The following TMEM135 variants were observed in gnomAD, a reference collection of about 807,000 sequenced individuals.
TMEM135 encodes peroxisomal membrane protein 52.
Under a neutral mutation model 60.3 loss-of-function variants are expected in TMEM135, and 30 were observed. The observed-to-expected ratio is 0.50, with a 90% CI of 0.37 to 0.68. TMEM135 has a LOEUF of 0.68. Ranked by LOEUF, TMEM135 falls within the 30% of genes least tolerant of loss-of-function variation. The pLI, the probability that TMEM135 is intolerant of heterozygous loss-of-function variation, is 0.00. For synonymous variants in TMEM135, 190 were observed against 186.7 expected, an observed-to-expected ratio of 1.02 and a Z score of -0.14; for missense variants, 468 against 548.8, an observed-to-expected ratio of 0.85 and a Z score of 1.47.
At chr11:87,109,888 T>TC (rs1263232549) in intron 4 of TMEM135, among the ~76,000 whole-genome samples, 2 of 152,182 alleles carry the variant, frequency 1.3e-5, no homozygotes, top group African/African-American at 4.8e-5. Context: ...TTTAAATTTT[T>TC]CTTTATGTGT....
At chr11:87,285,679 C>CA (rs973230099) in intron 6 of TMEM135, among the ~76,000 whole-genome samples, 2 of 152,168 alleles carry the variant, frequency 1.3e-5, no homozygotes, top group Non-Finnish European at 1.5e-5. Flanking sequence ...TGAGCAGCAG[C>CA]AAGAGGTATT....
Position 87,325,646 on chromosome 11 carries a change from G to A in TMEM135, c.*4313G>A, listed in dbSNP as rs1376178663. 4.4e-6 allele frequency: 2 copies of A among 453,882 alleles called. No individual in the cohort carries two copies. Among genetic ancestry groups the A allele is most frequent in the East Asian group, 1.4e-4 (2 of 14,364 alleles). The allele number at this position is 453,882 out of a possible 1,614,324, so 28.1% of individuals were successfully genotyped here. A position where few individuals can be genotyped will look rare whatever the true frequency, so the allele number is the denominator to read the frequency against. On this transcript the variant is annotated 3_prime_UTR_variant, in exon 15 of 15. Coordinates refer to ENST00000305494, the MANE Select transcript of TMEM135 (RefSeq NM_022918.4). Reference sequence around the variant, plus strand: ...TTTAAGCCAGCCGTTCAAGTGAGAGGCTCTGGAGTGATCATAACGGTGATA... The same window carrying A: ...TTTAAGCCAGCCGTTCAAGTGAGAGACTCTGGAGTGATCATAACGGTGATA...
intron 2 of TMEM135, among the ~76,000 whole-genome samples, chr11:87,069,538 G>A (rs1291014950): frequency 2.0e-5 from 3 of 152,096 alleles, no homozygotes; most frequent in African/African-American, 7.2e-5. Context: ...TGTTACTTGA[G>A]GTAGGGAACT....
intron 5 of TMEM135, among the ~76,000 whole-genome samples, chr11:87,158,137 GCTGGT>G (rs1219293684): frequency 6.6e-6 from 1 of 152,048 alleles, no homozygotes; most frequent in Admixed American, 6.5e-5. Context: ...TGTTGCTTAG[GCTGGT>G]CTTGAACTCC....
intron 4 of TMEM135, among the ~76,000 whole-genome samples, chr11:87,115,970 CTATTTT>C (rs1185923959): frequency 6.6e-6 from 1 of 151,830 alleles, no homozygotes; most frequent in African/African-American, 2.4e-5. Flanking sequence ...AAATATTAAT[CTATTTT>C]TAAGAATATA....
At chr11:87,121,990 G>A (rs1204216882) in intron 4 of TMEM135, among the ~76,000 whole-genome samples, 10 of 152,096 alleles carry the variant, frequency 6.6e-5, no homozygotes, top group Non-Finnish European at 1.5e-4. Flanking sequence ...TGATAACTTG[G>A]CCAGTTAGGT....
At chr11:87,169,693 G>A (rs1195542928) in intron 5 of TMEM135, among the ~76,000 whole-genome samples, 3 of 152,068 alleles carry the variant, frequency 2.0e-5, no homozygotes, top group East Asian at 1.9e-4. Flanking sequence ...TGGACTTCCC[G>A]TTGTGGGTAA....
chr11:87,154,910 A>G (rs12280110), intron 4 of TMEM135, among the ~76,000 whole-genome samples: 11,222 of 82,914 alleles, frequency 0.14, 580 homozygotes, highest in East Asian at 0.36. Context: ...GGTGTTTTCT[A>G]TTTCATGAGT....
chr11:87,251,618 C>CAT (rs1371264609), intron 6 of TMEM135, among the ~76,000 whole-genome samples: 90 of 151,528 alleles, frequency 5.9e-4, no homozygotes, highest in South Asian at 2.3e-3. Flanking sequence ...ACCATATATA[C>CAT]ATGTATATAT....
chr11:87,269,857 C>A (rs1398766447), intron 6 of TMEM135, among the ~76,000 whole-genome samples: 15 of 143,622 alleles, frequency 1.0e-4, no homozygotes, highest in African/African-American at 3.8e-4. Context: ...TGGGTATATA[C>A]CCAGTAATGG....
chr11:87,163,638 A>G (rs1429640727), intron 5 of TMEM135, among the ~76,000 whole-genome samples: 36 of 151,812 alleles, frequency 2.4e-4, no homozygotes, highest in Non-Finnish European at 4.9e-4. Flanking sequence ...GGTTGAACTA[A>G]TTTACAGTCC....
intron 5 of TMEM135, among the ~76,000 whole-genome samples, chr11:87,226,838 G>GTC (rs1940774974): frequency 6.6e-6 from 1 of 152,016 alleles, no homozygotes; most frequent in Non-Finnish European, 1.5e-5. Context: ...TGATATCAGG[G>GTC]GTTTGAGACC....
intron 4 of TMEM135, among the ~76,000 whole-genome samples, chr11:87,151,265 G>A (rs1287721498): frequency 1.2e-4 from 18 of 152,028 alleles, no homozygotes. Flanking sequence ...TGAATTCCTG[G>A]AAGAGTTTCT....
At chr11:87,038,329 G>T in intron 1 of TMEM135, 143 bp downstream of exon 1, 2 of 711,622 alleles carry the variant, frequency 2.8e-6, no homozygotes, top group African/African-American at 1.8e-5. Context: ...TGGGGGGTCG[G>T]TAGGGGGAAG....
chr11:87,256,258 A>C (rs1161894432), intron 6 of TMEM135, among the ~76,000 whole-genome samples: 1 of 152,182 alleles, frequency 6.6e-6, no homozygotes, highest in African/African-American at 2.4e-5. Flanking sequence ...ATACCTTTAT[A>C]CCTCAGTTTT....
At chr11:87,260,666 G>A (rs1941632776) in intron 6 of TMEM135, among the ~76,000 whole-genome samples, 1 of 151,928 alleles carries the variant, frequency 6.6e-6, no homozygotes, top group Admixed American at 6.6e-5. Flanking sequence ...TAATAAAATA[G>A]GGCATTAATT....
intron 6 of TMEM135, among the ~76,000 whole-genome samples, chr11:87,293,725 G>A (rs556349002): frequency 3.9e-4 from 59 of 152,306 alleles, no homozygotes; most frequent in African/African-American, 1.3e-3. Flanking sequence ...ATTCCATGGT[G>A]TATATGTACC....
At position 87,327,799 on chromosome 11, in the gene TMEM135, G is replaced by A. The variant is rs1023015077; in HGVS notation, c.*6466G>A. ...GGGAGTGATAGTTTTAAGTCCTGGAGTCCCAAGGTTAGAGGATCTGGGGTC... is the reference window on the plus strand; with the variant it reads ...GGGAGTGATAGTTTTAAGTCCTGGAATCCCAAGGTTAGAGGATCTGGGGTC... On this transcript the variant is annotated 3_prime_UTR_variant, in exon 15 of 15. Transcript: ENST00000305494. 1 of 453,914 alleles carries A rather than the reference G, an allele frequency of 2.2e-6. No homozygotes were observed. Among genetic ancestry groups the A allele is most frequent in the East Asian group, 6.9e-5 (1 of 14,398 alleles). 28.1% of individuals were successfully genotyped at this position (453,914 alleles called of 1,614,324 possible). A position where few individuals can be genotyped will look rare whatever the true frequency, so the allele number is the denominator to read the frequency against.
At chr11:87,221,870 A>G (rs990591581) in intron 5 of TMEM135, among the ~76,000 whole-genome samples, 2 of 152,186 alleles carry the variant, frequency 1.3e-5, no homozygotes, top group Non-Finnish European at 2.9e-5. Flanking sequence ...AGTTGGCTGA[A>G]TTTTTAAAAA....
Sources: allele counts gnomAD v4.1 joint callset (sites outside exome capture counted in the v4.1 genomes callset), GRCh38; gene constraint gnomAD v4.1.1; transcripts MANE v1.5; gene names NCBI Gene and HGNC (gene_info 2026-07-23, HGNC 2026-07-21).